Variants in MYOM1 observed in about 807,000 individuals in gnomAD.
The protein encoded by MYOM1 is myomesin-1.
In MYOM1, 164 loss-of-function variants were observed where a neutral mutation model predicts 205.3. The ratio of observed to expected loss-of-function variants is 0.80; its 90% CI spans 0.70 to 0.91. The LOEUF is 0.91. Ranked by LOEUF, MYOM1 falls within the 40% of genes least tolerant of loss-of-function variation. The probability of loss-of-function intolerance (pLI) is 0.00; values close to 1 mark genes in which losing one functional copy is unlikely to be tolerated. For missense variants in MYOM1, 2,011 were observed against 2,127.3 expected, an observed-to-expected ratio of 0.95 and a Z score of 1.08; for synonymous variants, 772 against 789.4, an observed-to-expected ratio of 0.98 and a Z score of 0.37.
chr18:3,125,775 T>G (rs998840693), intron 19 of MYOM1, among the ~76,000 whole-genome samples: 2 of 152,082 alleles, frequency 1.3e-5, no homozygotes, highest in South Asian at 4.1e-4. Context: ...GAGAAGAAAG[T>G]CATCAGCTAA....
At chr18:3,075,825 T>A in intron 34 of MYOM1, 64 bp from the exon 35 acceptor site, 1 of 1,410,066 alleles carries the variant, frequency 7.1e-7, no homozygotes, top group Non-Finnish European at 9.8e-7. Flanking sequence ...CAGGGGCGAT[T>A]AAAATTCACA....
At chr18:3,215,363 T>C (rs2081251782) in intron 1 of MYOM1, 112 bp from the exon 2 acceptor site, 1 of 871,300 alleles carries the variant, frequency 1.1e-6, no homozygotes, top group Non-Finnish European at 1.7e-6. Context: ...CGGTGGTTCA[T>C]GCTTGAAATC....
chr18:3,132,861 T>C (rs1357892692), intron 16 of MYOM1, among the ~76,000 whole-genome samples: 1 of 152,210 alleles, frequency 6.6e-6, no homozygotes, highest in South Asian at 2.1e-4. Context: ...AGCTGTTTCA[T>C]GAATCACTGT....
At chr18:3,076,838 T>C (rs1315077866) in intron 34 of MYOM1, among the ~76,000 whole-genome samples, 1 of 151,226 alleles carries the variant, frequency 6.6e-6, no homozygotes, top group Non-Finnish European at 1.5e-5. Context: ...CTCAGCCTCC[T>C]GAGTAGCTGG....
At chr18:3,165,067 A>G (rs2080448625) in intron 9 of MYOM1, among the ~76,000 whole-genome samples, 1 of 152,214 alleles carries the variant, frequency 6.6e-6, no homozygotes, top group South Asian at 2.1e-4. Context: ...AGCTGTTAAA[A>G]AAGTTATATA....
intron 13 of MYOM1, among the ~76,000 whole-genome samples, chr18:3,146,876 T>G (rs2080130349): frequency 1.3e-5 from 2 of 151,526 alleles, no homozygotes; most frequent in Admixed American, 1.3e-4. Context: ...CATAATAAAT[T>G]TCATAAAAAA....
intron 10 of MYOM1, among the ~76,000 whole-genome samples, chr18:3,163,245 A>T (rs944523932): frequency 2.0e-5 from 3 of 152,218 alleles, no homozygotes; most frequent in Non-Finnish European, 4.4e-5. Flanking sequence ...CCAAAATAAC[A>T]GATCCCTCTT....
intron 20 of MYOM1, among the ~76,000 whole-genome samples, chr18:3,117,210 A>C (rs2079619010): frequency 6.6e-6 from 1 of 152,190 alleles, no homozygotes. Flanking sequence ...TTAATCTCAA[A>C]TAGTATAAAG....
the MYOM1 span, among the ~76,000 whole-genome samples, chr18:3,228,607 A>G: frequency 6.6e-6 from 1 of 152,168 alleles, no homozygotes; most frequent in African/African-American, 2.4e-5. This position sits in a 1 kb window ranked among gnomAD's most constrained non-coding sequence, Gnocchi z 4.5. Flanking sequence ...AACAGTTTAT[A>G]GCAATAAAAT....
At chr18:3,164,744 T>C (rs1024791336) in intron 9 of MYOM1, among the ~76,000 whole-genome samples, 1 of 152,218 alleles carries the variant, frequency 6.6e-6, no homozygotes, top group African/African-American at 2.4e-5. Flanking sequence ...CTTCTTCCTT[T>C]AAAAATATTT....
At chr18:3,092,384 G>T (rs1477146802) in intron 26 of MYOM1, among the ~76,000 whole-genome samples, 1 of 151,628 alleles carries the variant, frequency 6.6e-6, no homozygotes, top group African/African-American at 2.4e-5. Flanking sequence ...GTAGAGATGA[G>T]GTTTCACTAT....
chr18:3,132,092 CTA>C (rs1048322422), intron 16 of MYOM1, among the ~76,000 whole-genome samples: 22 of 132,196 alleles, frequency 1.7e-4, no homozygotes, highest in African/African-American at 5.9e-4. Flanking sequence ...GAGTTATACT[CTA>C]AAATTATTAT....
At chr18:3,102,070 C>T (rs1465925184) in intron 23 of MYOM1, among the ~76,000 whole-genome samples, 3 of 141,460 alleles carry the variant, frequency 2.1e-5, no homozygotes, top group African/African-American at 8.0e-5. Flanking sequence ...GGCGCGATCT[C>T]GGCTCACTGC....
intron 22 of MYOM1, 101 bp from the exon 23 acceptor site, chr18:3,102,731 C>T (rs1180424154): frequency 7.9e-7 from 1 of 1,269,170 alleles, no homozygotes; most frequent in African/African-American, 1.5e-5. Flanking sequence ...AAGTAGGGCC[C>T]TGATCCTAGG....
chr18:3,244,995 C>T, the MYOM1 span, among the ~76,000 whole-genome samples: 1 of 150,916 alleles, frequency 6.6e-6, no homozygotes, highest in Non-Finnish European at 1.5e-5. Context: ...ATCTCTCTGC[C>T]ACATGAGAAC....
intron 22 of MYOM1, among the ~76,000 whole-genome samples, chr18:3,103,173 A>G (rs1050176220): frequency 6.3e-4 from 94 of 150,322 alleles, no homozygotes; most frequent in Non-Finnish European, 4.4e-4. Context: ...TCACATATTC[A>G]AAGTCTTTAA....
chr18:3,084,164 A>T (rs2143684586), intron 31 of MYOM1, 137 bp from the exon 32 acceptor site: 1 of 818,092 alleles, frequency 1.2e-6, no homozygotes, highest in East Asian at 2.7e-5. Flanking sequence ...CGACCCACTG[A>T]TAATGAGTAT....
intron 23 of MYOM1, among the ~76,000 whole-genome samples, chr18:3,102,169 T>C (rs761145987): frequency 6.7e-6 from 1 of 149,608 alleles, no homozygotes; most frequent in East Asian, 2.0e-4. Flanking sequence ...ACCCGGCTAA[T>C]TTTTTTTTGT....
intron 14 of MYOM1, among the ~76,000 whole-genome samples, chr18:3,136,164 C>CACCACGA (rs761599086): frequency 5.1e-4 from 78 of 152,224 alleles, no homozygotes; most frequent in Admixed American, 1.4e-3. Flanking sequence ...TTTCGCCTTC[C>CACCACGA]ACCATGATTG....
Sources: gnomAD v4.1 joint callset for allele counts (sites outside exome capture counted in the v4.1 genomes callset) on GRCh38, gnomAD v4.1.1 for gene constraint, Gnocchi (gnomAD v3.1) non-coding constraint, MANE v1.5 for transcripts, NCBI Gene and HGNC (gene_info 2026-07-23, HGNC 2026-07-21) for gene names.